Variants in TLE1 observed in about 807,000 individuals in gnomAD.
The protein encoded by TLE1 is transducin-like enhancer protein 1.
In TLE1, 21 loss-of-function variants were observed where a neutral mutation model predicts 89.8. That is an observed-to-expected ratio of 0.23 (90% CI 0.17 to 0.34). The LOEUF (loss-of-function observed/expected upper bound fraction) is 0.34. Ranked by LOEUF, TLE1 falls within the 10% of genes least tolerant of loss-of-function variation. TLE1 has a pLI of 1.00. For missense variants in TLE1, 795 were observed against 1,031.2 expected, an observed-to-expected ratio of 0.77 and a Z score of 3.14; for synonymous variants, 447 against 407.6, an observed-to-expected ratio of 1.10 and a Z score of -1.16.
chr9:81,687,668 G>A (rs1297680237), intron 1 of TLE1, among the ~76,000 whole-genome samples: 1 of 152,048 alleles, frequency 6.6e-6, no homozygotes. Context: ...GGCGGATTGC[G>A]CTAAGTGCGC....
chr9:81,675,279 T>C (rs1368245404), intron 4 of TLE1, among the ~76,000 whole-genome samples: 2 of 152,132 alleles, frequency 1.3e-5, no homozygotes, highest in Non-Finnish European at 2.9e-5. Context: ...TAATTTGAAA[T>C]TTTTCATAAT....
chr9:81,682,147 C>T (rs1250365580), intron 4 of TLE1, among the ~76,000 whole-genome samples: 1 of 151,322 alleles, frequency 6.6e-6, no homozygotes, highest in African/African-American at 2.4e-5. Context: ...CCAGCTACTC[C>T]GGAGGCTGAG....
At chr9:81,650,757 T>C (rs780160966) in intron 6 of TLE1, among the ~76,000 whole-genome samples, 22 of 152,034 alleles carry the variant, frequency 1.4e-4, no homozygotes, top group Middle Eastern at 3.4e-3. Flanking sequence ...GGAGGGAGAA[T>C]TGTTTATGCA....
chr9:81,682,368 C>T (rs763933279), intron 4 of TLE1, among the ~76,000 whole-genome samples: 3 of 152,116 alleles, frequency 2.0e-5, no homozygotes, highest in Admixed American at 6.5e-5. Context: ...CACGTGCACA[C>T]AGCTGTAGGC....
intron 12 of TLE1, among the ~76,000 whole-genome samples, chr9:81,612,990 A>G (rs1460086923): frequency 1.3e-5 from 2 of 152,182 alleles, no homozygotes; most frequent in Non-Finnish European, 2.9e-5. Flanking sequence ...CCCAGGAGGC[A>G]GAGGTTGCAG....
chr9:81,673,101 C>A (rs1319664121), intron 4 of TLE1, among the ~76,000 whole-genome samples: 1 of 151,650 alleles, frequency 6.6e-6, no homozygotes, highest in Non-Finnish European at 1.5e-5. Flanking sequence ...GGTGAAATCC[C>A]GACTCTACTA....
At chr9:81,595,127 T>C (rs904086744) in intron 14 of TLE1, among the ~76,000 whole-genome samples, 1 of 152,118 alleles carries the variant, frequency 6.6e-6, no homozygotes, top group Non-Finnish European at 1.5e-5. Context: ...TAAATACACA[T>C]ATAAAAACAA....
At position 81,593,280 on chromosome 9, in the gene TLE1, G is replaced by A. The variant is rs1283324033; in HGVS notation, c.1332-6C>T. On this transcript the variant is annotated splice_region_variant and splice_polypyrimidine_tract_variant and intron_variant, in intron 14 of 19. Coordinates refer to ENST00000376499, the MANE Select transcript of TLE1 (RefSeq NM_005077.5). ...TAACGTGGAAGGAGTATGCACTTTTGGAAAAACGATTGGAGAGAAGACAGA... is the reference window on the plus strand; with the variant it reads ...TAACGTGGAAGGAGTATGCACTTTTAGAAAAACGATTGGAGAGAAGACAGA... 6.2e-7 allele frequency: 1 copy of A among 1,600,480 alleles called. No homozygotes were observed. The highest frequency in any genetic ancestry group is 8.6e-7 in the Non-Finnish European group (1 of 1,169,118).
chr9:81,688,153 A>ACCGC (rs1834609292), intron 1 of TLE1, 64 bp downstream of exon 1: 1 of 1,587,224 alleles, frequency 6.3e-7, no homozygotes. Flanking sequence ...CAGTCTCCCT[A>ACCGC]CCGCCCGGGA....
At chr9:81,681,321 G>A (rs572360027) in intron 4 of TLE1, among the ~76,000 whole-genome samples, 19 of 152,144 alleles carry the variant, frequency 1.2e-4, no homozygotes, top group Middle Eastern at 3.4e-3. Context: ...AAGCCGAGGC[G>A]GGGGGAATCA....
intron 9 of TLE1, among the ~76,000 whole-genome samples, chr9:81,617,258 T>C (rs1824658972): frequency 6.6e-6 from 1 of 152,168 alleles, no homozygotes; most frequent in Admixed American, 6.5e-5. Flanking sequence ...AGCAATCAGC[T>C]TGAAGTATTT....
At chr9:81,618,148 T>A (rs1192209079) in intron 9 of TLE1, among the ~76,000 whole-genome samples, 1 of 152,152 alleles carries the variant, frequency 6.6e-6, no homozygotes, top group Non-Finnish European at 1.5e-5. Flanking sequence ...GAGTAATACA[T>A]TATACAATGT....
chr9:81,667,804 GT>G (rs1831678277), intron 4 of TLE1, among the ~76,000 whole-genome samples: 1 of 152,094 alleles, frequency 6.6e-6, no homozygotes, highest in Admixed American at 6.6e-5. Context: ...CTGGAATTAT[GT>G]TTTTAATCAA....
At chr9:81,636,817 AG>A (rs1282113983) in intron 6 of TLE1, among the ~76,000 whole-genome samples, 1 of 111,790 alleles carries the variant, frequency 8.9e-6, no homozygotes, top group Non-Finnish European at 2.0e-5. Flanking sequence ...AGCCTGGCCA[AG>A]ATGGTGAAAC....
chr9:81,659,236 A>G (rs7028280), intron 4 of TLE1, among the ~76,000 whole-genome samples: 54,472 of 151,990 alleles, frequency 0.36, 9,981 homozygotes, highest in Middle Eastern at 0.4. Flanking sequence ...CCATGCTTCT[A>G]TTCTTGATTG....
chr9:81,672,950 AAAGT>A (rs756617132), intron 4 of TLE1, among the ~76,000 whole-genome samples: 18 of 152,194 alleles, frequency 1.2e-4, no homozygotes, highest in Non-Finnish European at 2.4e-4. Context: ...CTGTTTGGCC[AAAGT>A]AAGACATTTT....
At chr9:81,593,437 G>T (rs1324599679) in intron 14 of TLE1, among the ~76,000 whole-genome samples, 163 bp from the exon 15 acceptor site, 3 of 152,134 alleles carry the variant, frequency 2.0e-5, no homozygotes, top group African/African-American at 4.8e-5. Context: ...TACTGCTGGT[G>T]CAAATTTAAA....
At chr9:81,635,164 A>T (rs1316618495) in intron 6 of TLE1, among the ~76,000 whole-genome samples, 1 of 152,224 alleles carries the variant, frequency 6.6e-6, no homozygotes, top group African/African-American at 2.4e-5. Context: ...TCAGGGAGCC[A>T]GGCTTGTGGC....
Position 81,587,827 on chromosome 9 carries a change from G to T in TLE1, c.1831C>A (p.Gln611Lys). 1 of 1,613,410 alleles carries T rather than the reference G, an allele frequency of 6.2e-7. No homozygotes were observed. Among genetic ancestry groups the T allele is most frequent in the African/African-American group, 1.3e-5 (1 of 74,806 alleles). ...WDLHNQTLVR[Q>K]FQGHTDGASC... is the part of the protein sequence containing the mutation. ...GCTCCGTCTGTGTGGCCCTGGAATT[G>T]CCTGATAAAACAAACCAGATTGAAT... Residue 611 changes from glutamine to lysine, a missense_variant and splice_region_variant, in exon 17 of 20, where the codon CAA becomes AAA. Physicochemically the swap from Gln to Lys is moderately conservative, Grantham distance 53. Around this residue, in one of 4 missense-constraint regions of TLE1, gnomAD observed 214 missense variants for 354.9 expected, o/e 0.60. Coordinates refer to ENST00000376499, the MANE Select transcript of TLE1 (RefSeq NM_005077.5).
Sources: allele counts gnomAD v4.1 joint callset (sites outside exome capture counted in the v4.1 genomes callset), GRCh38; gene constraint gnomAD v4.1.1; regional missense constraint gnomAD v4.1.1; transcripts MANE v1.5; gene names NCBI Gene and HGNC (gene_info 2026-07-23, HGNC 2026-07-21).